SUV39H2: variants seen among roughly 807,000 people sequenced by gnomAD.
SUV39H2 encodes the protein SUV39H2 histone lysine methyltransferase.
In SUV39H2, 10 loss-of-function variants were observed where a neutral mutation model predicts 47.5. That is an observed-to-expected ratio of 0.21 (90% confidence interval 0.13 to 0.36). The LOEUF is 0.36. Ranked by LOEUF, SUV39H2 falls within the 10% of genes least tolerant of loss-of-function variation. The pLI is 1.00. For synonymous variants in SUV39H2, 159 were observed against 166.8 expected (o/e 0.95, Z 0.36); for missense variants, 266 against 487.4 (o/e 0.55, Z 4.28).
intron 2 of SUV39H2, among the ~76,000 whole-genome samples, chr10:14,895,180 ATTTT>A (rs61175237): frequency 7.2e-6 from 1 of 139,656 alleles, no homozygotes; most frequent in African/African-American, 2.7e-5. Context: ...TTTTACTTTT[ATTTT>A]TTTTTTTTTT....
At chr10:14,899,371 T>C in intron 3 of SUV39H2, 168 bp from the exon 4 acceptor site, 1 of 743,036 alleles carries the variant, frequency 1.3e-6, no homozygotes, top group Admixed American at 2.3e-5. Flanking sequence ...CCCCTCATTT[T>C]CCCACCTCTT....
At chr10:14,900,934 A>G (rs1833965715) in intron 4 of SUV39H2, among the ~76,000 whole-genome samples, 199 bp from the exon 5 acceptor site, 1 of 152,158 alleles carries the variant, frequency 6.6e-6, no homozygotes, top group Non-Finnish European at 1.5e-5. Context: ...TATTTTCTCT[A>G]TTTTATACTT....
At chr10:14,899,492 C>T in intron 3 of SUV39H2, 47 bp from the exon 4 acceptor site, 1 of 1,597,720 alleles carries the variant, frequency 6.3e-7, no homozygotes, top group Non-Finnish European at 8.5e-7. Flanking sequence ...ATGAATGCTT[C>T]TTTGGTTCAG....
chr10:14,897,842 G>C (rs1833694281), intron 3 of SUV39H2: 2 of 173,080 alleles, frequency 1.2e-5, no homozygotes, highest in African/African-American at 4.7e-5. Flanking sequence ...AAACTCAGAT[G>C]TAACACATGC....
At chr10:14,897,574 A>G in intron 3 of SUV39H2, 57 bp downstream of exon 3, 1 of 1,386,470 alleles carries the variant, frequency 7.2e-7, no homozygotes, top group Non-Finnish European at 9.5e-7. Flanking sequence ...TACTTTTGGA[A>G]AATTACCTTT....
At chr10:14,900,419 A>G (rs939542774) in intron 4 of SUV39H2, among the ~76,000 whole-genome samples, 1 of 152,232 alleles carries the variant, frequency 6.6e-6, no homozygotes, top group Non-Finnish European at 1.5e-5. Flanking sequence ...GAAGTAGACC[A>G]TGTTAAACTT....
chr10:14,893,567 C>G (rs1833465217), intron 2 of SUV39H2, among the ~76,000 whole-genome samples: 1 of 152,058 alleles, frequency 6.6e-6, no homozygotes, highest in Non-Finnish European at 1.5e-5. Context: ...GGCATTTTAG[C>G]TTATTCTTAA....
At chr10:14,881,430 T>A in intron 1 of SUV39H2, 70 bp from the exon 2 acceptor site, 1 of 1,271,500 alleles carries the variant, frequency 7.9e-7, no homozygotes, top group Admixed American at 4.0e-5. Context: ...AATAGAGGTT[T>A]TAAGTTTCTC....
At position 14,896,810 on chromosome 10, in the gene SUV39H2, G is replaced by A. The variant is rs78737438; in HGVS notation, c.178-36G>A. On this transcript the variant is annotated intron_variant, in intron 2 of 5. Coordinates refer to ENST00000354919, the MANE Select transcript of SUV39H2 (RefSeq NM_001193424.2). ...TTTTTGGTAAAACTGGGAAATAGCC[G>A]TCTGATTTGCATTTTATTTTCTTTT... 2.3e-3 allele frequency: 3,403 copies of A among 1,486,716 alleles called. 68 individuals carry two copies. The African/African-American group carries it at 0.04, about 17-fold the overall frequency. 92.1% of individuals were successfully genotyped at this position (1,486,716 alleles called of 1,614,324 possible). A position where few individuals can be genotyped will look rare whatever the true frequency, so the allele number is the denominator to read the frequency against.
Position 14,897,175 on chromosome 10 carries a change from C to T in SUV39H2, c.507C>T (p.Phe169=). ...ATTTAGAGGGCCCACCTTCAGACTT[C>T]TATTACATTAACGAATACAAACCAG... The part of the protein sequence containing the change: ...TVDLEGPPSD[F]YYINEYKPAP... Residue 169 remains phenylalanine, a synonymous_variant, in exon 3 of 6, where the codon TTC becomes TTT. Transcript: ENST00000354919. 1 of 1,613,794 alleles carries T rather than the reference C, an allele frequency of 6.2e-7. No individual in the cohort carries two copies.
chr10:14,887,357 C>G (rs1301374822), intron 2 of SUV39H2, among the ~76,000 whole-genome samples: 1 of 152,162 alleles, frequency 6.6e-6, no homozygotes, highest in South Asian at 2.1e-4. Flanking sequence ...CTGACTTGGG[C>G]AGTGGTGTAG....
intron 2 of SUV39H2, among the ~76,000 whole-genome samples, chr10:14,881,971 C>T (rs1211385201): frequency 1.3e-5 from 2 of 152,204 alleles, no homozygotes; most frequent in Admixed American, 6.5e-5. Flanking sequence ...CCCACTATCA[C>T]CTGAAATGAA....
chr10:14,879,314 C>G (rs1832970130), intron 1 of SUV39H2, among the ~76,000 whole-genome samples: 2 of 152,158 alleles, frequency 1.3e-5, no homozygotes, highest in South Asian at 4.1e-4. Flanking sequence ...GCGCGGCGTG[C>G]GGCATGCGCC....
At position 14,904,017 on chromosome 10, in the gene SUV39H2, G is replaced by C. The variant is rs1482963249; in HGVS notation, c.*1505G>C. The C allele has an allele frequency of 6.6e-6, 1 of 152,148 alleles. No homozygotes were observed. Among genetic ancestry groups the C allele is most frequent in the Non-Finnish European group, 1.5e-5 (1 of 68,032 alleles). 9.4% of individuals were successfully genotyped at this position (152,148 alleles called of 1,614,324 possible). On this transcript the variant is annotated 3_prime_UTR_variant, in exon 6 of 6. Coordinates refer to ENST00000354919, the MANE Select transcript of SUV39H2 (RefSeq NM_001193424.2). Reference sequence around the variant, plus strand: ...TCTGTTAACCAAAATTGCAGAATGGGGGGCCAGGCCTGTGTGGTGGCTCAC... The same window carrying C: ...TCTGTTAACCAAAATTGCAGAATGGCGGGCCAGGCCTGTGTGGTGGCTCAC...
At chr10:14,885,149 GTTT>G (rs796781579) in intron 2 of SUV39H2, among the ~76,000 whole-genome samples, 6 of 152,172 alleles carry the variant, frequency 3.9e-5, no homozygotes, top group African/African-American at 1.4e-4. Context: ...TTTCCCAGTG[GTTT>G]CTACTTGTAT....
chr10:14,890,919 A>G (rs1488896538), intron 2 of SUV39H2, among the ~76,000 whole-genome samples: 3 of 152,190 alleles, frequency 2.0e-5, no homozygotes, highest in Non-Finnish European at 4.4e-5. Context: ...TGTGATTTGT[A>G]TATTACATAC....
intron 1 of SUV39H2, among the ~76,000 whole-genome samples, chr10:14,879,549 A>G (rs1436597731): frequency 6.6e-6 from 1 of 152,030 alleles, no homozygotes; most frequent in Non-Finnish European, 1.5e-5. Context: ...TCTTTCACCC[A>G]CCGGGAGCTT....
intron 2 of SUV39H2, among the ~76,000 whole-genome samples, chr10:14,884,114 T>C (rs1175637962): frequency 6.6e-6 from 1 of 152,246 alleles, no homozygotes; most frequent in East Asian, 1.9e-4. Context: ...TTTCGGACTA[T>C]TATAAATAAG....
intron 2 of SUV39H2, among the ~76,000 whole-genome samples, chr10:14,888,301 G>C (rs1489159410): frequency 1.3e-5 from 2 of 152,126 alleles, no homozygotes; most frequent in Non-Finnish European, 2.9e-5. Context: ...AGGAAGGACT[G>C]TCAGAGTCTG....
Sources: allele counts gnomAD v4.1 joint callset (sites outside exome capture counted in the v4.1 genomes callset), GRCh38; gene constraint gnomAD v4.1.1; transcripts MANE v1.5; gene names NCBI Gene and HGNC (gene_info 2026-07-23, HGNC 2026-07-21).